Variants in CABIN1 observed in about 807,000 individuals in gnomAD.
The protein encoded by CABIN1 is calcineurin binding protein 1, also known as calcineurin-binding protein cabin-1.
In CABIN1, 133 loss-of-function variants were observed where a neutral mutation model predicts 227.7. That is an observed-to-expected ratio of 0.58 (90% CI 0.51 to 0.67). CABIN1 has a LOEUF of 0.67. CABIN1 is among the 30% of genes least tolerant of loss of function. The pLI, the probability that CABIN1 is intolerant of heterozygous loss-of-function variation, is 0.00. For synonymous variants in CABIN1, 1,086 were observed against 1,155.1 expected (o/e 0.94, Z 1.21); for missense variants, 2,408 against 2,852.5 (o/e 0.84, Z 3.55).
chr22:24,060,756 C>T (rs759464438), intron 12 of CABIN1, among the ~76,000 whole-genome samples: 1 of 152,026 alleles, frequency 6.6e-6, no homozygotes, highest in Non-Finnish European at 1.5e-5. Context: ...GAACCACAGC[C>T]GTACACCACC....
intron 3 of CABIN1, 109 bp downstream of exon 3, chr22:24,036,290 C>T (rs2036882010): frequency 2.4e-6 from 2 of 820,478 alleles, no homozygotes; most frequent in Non-Finnish European, 4.3e-6. Flanking sequence ...GGGGGAAATT[C>T]CATTTTGAAA....
intron 29 of CABIN1, among the ~76,000 whole-genome samples, chr22:24,146,957 G>C (rs1229331581): frequency 6.6e-6 from 1 of 152,186 alleles, no homozygotes; most frequent in Non-Finnish European, 1.5e-5. Flanking sequence ...CCCAGACTGG[G>C]AACCCATGTC....
Position 24,011,306 on chromosome 22 carries a change from C to T in CABIN1, c.-136C>T, listed in dbSNP as rs2034788659. On this transcript the variant is annotated 5_prime_UTR_variant, in exon 1 of 37. Coordinates refer to ENST00000263119, the MANE Select transcript of CABIN1 (RefSeq NM_012295.4). ...AGCCAATGGGAGCACGCCTTGTTGT[C>T]AGGCGCGCAGCCGGACGGCGCGGTG... 6.6e-6 allele frequency: 1 copy of T among 152,328 alleles called. No homozygotes were observed. Among genetic ancestry groups the T allele is most frequent in the Non-Finnish European group, 1.5e-5 (1 of 68,136 alleles). The allele number at this position is 152,328 out of a possible 1,614,324, so 9.4% of individuals were successfully genotyped here. A position where few individuals can be genotyped will look rare whatever the true frequency, so the allele number is the denominator to read the frequency against.
intron 27 of CABIN1, 45 bp downstream of exon 27, chr22:24,113,793 G>T: frequency 6.2e-7 from 1 of 1,605,850 alleles, no homozygotes. Context: ...TTGATGTCCT[G>T]TGGCAATCTG....
At chr22:24,071,929 A>C (rs1321481426) in intron 17 of CABIN1, among the ~76,000 whole-genome samples, 1 of 151,796 alleles carries the variant, frequency 6.6e-6, no homozygotes. Flanking sequence ...TCACTTGGAA[A>C]CTTTCTTAAT....
At chr22:24,103,289 G>T (rs34076831) in intron 26 of CABIN1, 2,807 of 152,226 alleles carry the variant, frequency 0.018, 33 homozygotes, top group Middle Eastern at 0.031. Flanking sequence ...CCAGCAGGTG[G>T]CCCAGTCCTA....
intron 26 of CABIN1, among the ~76,000 whole-genome samples, chr22:24,108,970 G>T (rs565734634): frequency 6.6e-6 from 1 of 152,234 alleles, no homozygotes; most frequent in African/African-American, 2.4e-5. Context: ...CTGACATTTT[G>T]TGAACCTTTA....
chr22:24,040,573 G>T (rs180967027), intron 4 of CABIN1, among the ~76,000 whole-genome samples: 22 of 152,264 alleles, frequency 1.4e-4, no homozygotes, highest in Non-Finnish European at 3.1e-4. Flanking sequence ...CAATTCTGAT[G>T]GTCTTTCAGC....
chr22:24,146,395 A>T (rs1209747995), intron 29 of CABIN1, among the ~76,000 whole-genome samples: 1 of 152,206 alleles, frequency 6.6e-6, no homozygotes, highest in Non-Finnish European at 1.5e-5. Flanking sequence ...AGCTTTGTGG[A>T]ACTTCACAGC....
rs62231971 is a variant in CABIN1, at chr22:24,071,013, C to T, written c.2446C>T (p.Leu816Phe). Reference sequence around the variant, plus strand: ...GAAGGTATCATCCTCCACCACTGGCCTTGTGCGGCTCACCAACAACCTCAT... The same window carrying T: ...GAAGGTATCATCCTCCACCACTGGCTTTGTGCGGCTCACCAACAACCTCAT... The part of the protein sequence containing the change: ...ILKVSSSTTG[L>F]VRLTNNLIQV... Residue 816 changes from leucine (L) to phenylalanine (F), a missense_variant, in exon 17 of 37, where the codon CTT becomes TTT. Leu to Phe is a conservative substitution (Grantham distance 22). This residue lies in a region of CABIN1 where 1,045 missense variants were observed against 1,168.4 expected (regional missense o/e 0.89). Transcript: ENST00000263119. 4.5e-3 allele frequency: 7,326 copies of T among 1,614,232 alleles called. 28 individuals are homozygous for T. Among genetic ancestry groups the T allele is most frequent in the Non-Finnish European group, 5.6e-3 (6,631 of 1,180,036 alleles).
intron 19 of CABIN1, 135 bp from the exon 20 acceptor site, chr22:24,083,093 A>G (rs2040916402): frequency 1.2e-6 from 1 of 850,240 alleles, no homozygotes. Context: ...GAATCAAGTC[A>G]TGCAGGAGCC....
At chr22:24,057,126 C>A (rs376438288) in intron 10 of CABIN1, among the ~76,000 whole-genome samples, 1 of 152,088 alleles carries the variant, frequency 6.6e-6, no homozygotes, top group South Asian at 2.1e-4. Flanking sequence ...TTGGTAGAGA[C>A]GGGGTTTCAC....
At chr22:24,046,361 G>A (rs938818433) in intron 6 of CABIN1, among the ~76,000 whole-genome samples, 14 of 152,082 alleles carry the variant, frequency 9.2e-5, no homozygotes, top group Non-Finnish European at 1.8e-4. Context: ...ATATGCACTC[G>A]TTCTGTAGGT....
chr22:24,166,760 C>G lies in CABIN1; in HGVS notation c.5129C>G (p.Pro1710Arg). ...GGCCTCCCCCAGCCGAAGAAGCCCC[C>G]TCTGGCTGATGGCTCAGGGCCAGGG... ...QEGLPQPKKP[P>R]LADGSGPGPE... Residue 1710 changes from proline (P) to arginine (R), a missense_variant, in exon 32 of 37, where the codon CCT becomes CGT. Pro to Arg is a moderately radical substitution (Grantham distance 103, BLOSUM62 -2). Around this residue, in one of 3 missense-constraint regions of CABIN1, gnomAD observed 714 missense variants for 773.8 expected, o/e 0.92. Transcript: ENST00000263119. 6.2e-7 allele frequency: 1 copy of G among 1,612,916 alleles called. No homozygotes were observed. The highest frequency in any genetic ancestry group is 1.1e-5 in the South Asian group (1 of 91,084).
chr22:24,155,941 T>G (rs915595), intron 29 of CABIN1: 115,707 of 505,166 alleles, frequency 0.23, 15,437 homozygotes, highest in East Asian at 0.46. Flanking sequence ...CCGCTTCCAG[T>G]AGAGTGCCGG....
At chr22:24,069,817 T>C (rs998861215) in intron 16 of CABIN1, among the ~76,000 whole-genome samples, 3 of 152,194 alleles carry the variant, frequency 2.0e-5, no homozygotes, top group African/African-American at 7.2e-5. Context: ...GTTCCAGGTA[T>C]TTCTGACCCC....
At chr22:24,021,032 C>G (rs2035686710) in intron 1 of CABIN1, among the ~76,000 whole-genome samples, 1 of 151,732 alleles carries the variant, frequency 6.6e-6, no homozygotes, top group Non-Finnish European at 1.5e-5. Flanking sequence ...CAGGGTCTCA[C>G]TGTGTATCCC....
Position 24,059,990 on chromosome 22 carries a change from T to C in CABIN1, c.1466T>C (p.Met489Thr). ...AACGGGGGCATCCTGGAGCTGATGA[T>C]GCGCTACCTGAAAGCCATGGGCCAC... ...LTNGGILELM[M>T]RYLKAMGHKF... The change falls in exon 12 of 37, where the codon ATG becomes ACG. Residue 489 changes from methionine to threonine, a missense_variant. Physicochemically the swap from Met to Thr is moderately conservative, Grantham distance 81. Transcript: ENST00000263119. 1 of 1,614,242 alleles carries C rather than the reference T, an allele frequency of 6.2e-7. No homozygotes were observed. The highest frequency in any genetic ancestry group is 8.5e-7 in the Non-Finnish European group (1 of 1,180,046).
At chr22:24,039,231 A>G (rs753239640) in intron 4 of CABIN1, among the ~76,000 whole-genome samples, 5 of 152,128 alleles carry the variant, frequency 3.3e-5, no homozygotes, top group Non-Finnish European at 5.9e-5. Context: ...CTCCATGGGT[A>G]TTTACTGGAC....
Sources: gnomAD v4.1 joint callset for allele counts (sites outside exome capture counted in the v4.1 genomes callset) on GRCh38, gnomAD v4.1.1 for gene constraint, gnomAD v4.1.1 regional missense constraint, MANE v1.5 for transcripts, NCBI Gene and HGNC (gene_info 2026-07-23, HGNC 2026-07-21) for gene names.